Variants in AUTS2 observed in about 807,000 individuals in gnomAD.
AUTS2 encodes activator of transcription and developmental regulator AUTS2, also known as autism susceptibility gene 2 protein.
A neutral mutation model predicts 112.4 loss-of-function variants in AUTS2; 17 were observed. The ratio of observed to expected loss-of-function variants is 0.15; its 90% CI spans 0.10 to 0.23. The LOEUF (loss-of-function observed/expected upper bound fraction) is 0.23, where lower values mean the gene tolerates loss of function less well. Ranked by LOEUF, AUTS2 falls within the 10% of genes least tolerant of loss-of-function variation. The probability of loss-of-function intolerance (pLI) is 1.00; values close to 1 mark genes in which losing one functional copy is unlikely to be tolerated. For missense variants in AUTS2, 1,510 were observed against 1,701.6 expected (o/e 0.89, Z 1.98); for synonymous variants, 751 against 702.7 (o/e 1.07, Z -1.09).
chr7:69,975,721 T>G (rs1798027923), intron 2 of AUTS2, among the ~76,000 whole-genome samples: 1 of 152,102 alleles, frequency 6.6e-6, no homozygotes, highest in South Asian at 2.1e-4. Flanking sequence ...TGGAGTCTGC[T>G]CGGTCCCCCA....
At chr7:70,363,810 T>C (rs1469817484) in intron 4 of AUTS2, among the ~76,000 whole-genome samples, 1 of 152,200 alleles carries the variant, frequency 6.6e-6, no homozygotes, top group East Asian at 1.9e-4. Flanking sequence ...CCTAAAAACC[T>C]AAGTCTCCCA....
chr7:70,440,927 T>G (rs1389247992), intron 5 of AUTS2, among the ~76,000 whole-genome samples: 1 of 152,186 alleles, frequency 6.6e-6, no homozygotes, highest in Non-Finnish European at 1.5e-5. Context: ...CCTAGGTAAT[T>G]TTGGTACACA....
chr7:70,637,697 G>A (rs934520193), intron 5 of AUTS2, among the ~76,000 whole-genome samples: 4 of 152,174 alleles, frequency 2.6e-5, no homozygotes, highest in Non-Finnish European at 4.4e-5. Context: ...AAGGCTCAGC[G>A]ATTTCCCTAA....
At chr7:69,912,631 C>A (rs1795409299) in intron 2 of AUTS2, among the ~76,000 whole-genome samples, 1 of 152,156 alleles carries the variant, frequency 6.6e-6, no homozygotes. Flanking sequence ...GGTCATTCTG[C>A]CCCTGCTCTT....
At chr7:70,010,223 G>T (rs1159165484) in intron 2 of AUTS2, among the ~76,000 whole-genome samples, 1 of 152,020 alleles carries the variant, frequency 6.6e-6, no homozygotes, top group Non-Finnish European at 1.5e-5. Context: ...ACAGCTCACT[G>T]CAGCCCTGAC....
At chr7:70,774,212 C>T in intron 12 of AUTS2, 113 bp downstream of exon 12, 1 of 960,374 alleles carries the variant, frequency 1.0e-6, no homozygotes. Context: ...GCTGCTGTTT[C>T]AGCTGTTCTT....
intron 2 of AUTS2, among the ~76,000 whole-genome samples, chr7:69,922,204 C>T (rs1048711160): frequency 1.7e-4 from 26 of 152,204 alleles, no homozygotes; most frequent in Non-Finnish European, 2.6e-4. Context: ...ATTTCATGCA[C>T]GCAGTCTGTG....
In AUTS2 at chr7:69,782,099, T is replaced by G. The variant is rs139797418; in HGVS notation, c.310-117187T>G. 6.1e-3 allele frequency among the ~76,000 whole-genome samples: 934 copies of G among 152,278 alleles called. 7 individuals are homozygous for G. The highest frequency in any genetic ancestry group is 0.021 in the African/African-American group (874 of 41,556). On this transcript the variant is annotated intron_variant, in intron 1 of 18. Transcript: ENST00000342771. ...TTTAGAATCTTCTTCGCGGCCCGGC[T>G]CACACCTGTAATTGCAGCAGTTTGG...
chr7:69,872,219 A>G (rs931669784), intron 1 of AUTS2, among the ~76,000 whole-genome samples: 2 of 152,242 alleles, frequency 1.3e-5, no homozygotes, highest in Admixed American at 1.3e-4. Context: ...CAGAGACATA[A>G]GCTGGGCCTG....
intron 2 of AUTS2, among the ~76,000 whole-genome samples, chr7:69,951,134 G>C (rs1033173682): frequency 6.6e-6 from 1 of 152,114 alleles, no homozygotes; most frequent in African/African-American, 2.4e-5. Context: ...TTTTATTGTA[G>C]ATTTCAATAT....
chr7:69,688,632 C>T (rs1797165758), intron 1 of AUTS2, among the ~76,000 whole-genome samples: 2 of 152,042 alleles, frequency 1.3e-5, no homozygotes, highest in African/African-American at 4.8e-5. Flanking sequence ...TTGTTGGGTG[C>T]ATTTAGTATT....
chr7:70,689,601 C>T (rs1184817037), intron 5 of AUTS2, among the ~76,000 whole-genome samples: 1 of 151,780 alleles, frequency 6.6e-6, no homozygotes, highest in African/African-American at 2.4e-5. Context: ...ACAGTGAAAC[C>T]CCGTCTCTAC....
At chr7:70,735,406 G>A (rs1787721948) in intron 6 of AUTS2, among the ~76,000 whole-genome samples, 1 of 152,220 alleles carries the variant, frequency 6.6e-6, no homozygotes. Context: ...ACGTCCAGAG[G>A]AGAAGAGCTG....
In AUTS2 at chr7:70,784,945, C is replaced by T. The variant is rs1203826984; in HGVS notation, c.2150C>T (p.Ala717Val). Residue 717 changes from alanine (A) to valine (V), a missense_variant, in exon 16 of 19, where the codon GCT becomes GTT. Coordinates refer to ENST00000342771, the MANE Select transcript of AUTS2 (RefSeq NM_015570.4). The stretch of plus-strand genomic sequence containing the variant: ...TTCGTTATGTTTGACTTAACAGGTG[C>T]TGCACACCCAACTGGGACCCCTTTT... ...RPSTLFSAAG[A>V]AHPTGTPFGP... 3 of 1,613,940 alleles carry T rather than the reference C, an allele frequency of 1.9e-6. No individual in the cohort carries two copies. Among genetic ancestry groups the T allele is most frequent in the Admixed American group, 3.3e-5 (2 of 60,000 alleles).
At position 69,940,920 on chromosome 7, in the gene AUTS2, A is replaced by G. The variant is rs182853326; in HGVS notation, c.522+41422A>G. Among the ~76,000 whole-genome samples the G allele has an allele frequency of 1.4e-3, 216 of 152,312 alleles. 1 individual carries two copies. Among genetic ancestry groups the G allele is most frequent in the Admixed American group, 4.1e-3 (62 of 15,308 alleles). On this transcript the variant is annotated intron_variant, in intron 2 of 18. Transcript: ENST00000342771. The stretch of plus-strand genomic sequence containing the variant: ...AACAGTCAGAAGAAGGTTACAATGT[A>G]ACCAGACTGGAACATGAACAAATTA...
At chr7:70,776,802 G>A (rs1790728994) in intron 13 of AUTS2, 2 of 423,822 alleles carry the variant, frequency 4.7e-6, no homozygotes, top group Non-Finnish European at 8.7e-6. Flanking sequence ...AGAAAAGAAA[G>A]AGAAGAGGCA....
chr7:69,725,167 G>A (rs1267895462), intron 1 of AUTS2, among the ~76,000 whole-genome samples: 2 of 152,092 alleles, frequency 1.3e-5, no homozygotes, highest in African/African-American at 2.4e-5. Flanking sequence ...TTGCTTTAGG[G>A]GAAAGGAGGG....
At chr7:70,478,054 A>T (rs911905255) in intron 5 of AUTS2, among the ~76,000 whole-genome samples, 24 of 152,126 alleles carry the variant, frequency 1.6e-4, no homozygotes, top group African/African-American at 4.3e-4. Context: ...TGAGTGTGAG[A>T]AGCACACCTA....
chr7:69,855,178 G>A (rs1394041373), intron 1 of AUTS2, among the ~76,000 whole-genome samples: 1 of 152,192 alleles, frequency 6.6e-6, no homozygotes. Flanking sequence ...GTACGTGATG[G>A]ACCTAGTCTG....
Sources: allele counts gnomAD v4.1 joint callset (sites outside exome capture counted in the v4.1 genomes callset), GRCh38; gene constraint gnomAD v4.1.1; transcripts MANE v1.5; gene names NCBI Gene and HGNC (gene_info 2026-07-23, HGNC 2026-07-21).